Variants in RABGAP1L observed in about 807,000 individuals in gnomAD.
The protein encoded by RABGAP1L is rab GTPase-activating protein 1-like.
In RABGAP1L, 63 loss-of-function variants were observed where a neutral mutation model predicts 137.7. The observed-to-expected ratio is 0.46, with a 90% CI of 0.37 to 0.56. The LOEUF (loss-of-function observed/expected upper bound fraction) is 0.56, where lower values mean the gene tolerates loss of function less well. Among genes scored for constraint, RABGAP1L ranks in the 20% least tolerant of loss-of-function variants. RABGAP1L has a pLI of 0.00. For missense variants in RABGAP1L, 1,095 were observed against 1,244.0 expected, an observed-to-expected ratio of 0.88 and a Z score of 1.80; for synonymous variants, 431 against 433.7, an observed-to-expected ratio of 0.99 and a Z score of 0.08.
At chr1:174,455,724 A>C (rs1441609405) in intron 13 of RABGAP1L, among the ~76,000 whole-genome samples, 1 of 152,144 alleles carries the variant, frequency 6.6e-6, no homozygotes, top group Non-Finnish European at 1.5e-5. Context: ...AAAATGCTAA[A>C]TTGGTAAGAA....
At chr1:174,266,426 C>G (rs1376664288) in intron 7 of RABGAP1L, among the ~76,000 whole-genome samples, 1 of 152,124 alleles carries the variant, frequency 6.6e-6, no homozygotes, top group African/African-American at 2.4e-5. Flanking sequence ...AAAATCTTGG[C>G]TAGAGTTCTT....
chr1:174,704,942 A>G (rs967878243), intron 17 of RABGAP1L, among the ~76,000 whole-genome samples: 3 of 152,218 alleles, frequency 2.0e-5, no homozygotes, highest in East Asian at 1.9e-4. Flanking sequence ...ATAAATATTC[A>G]TAGACTTTTA....
chr1:174,892,475 C>A, intron 19 of RABGAP1L: 1 of 462,084 alleles, frequency 2.2e-6, no homozygotes, highest in South Asian at 1.6e-5. Flanking sequence ...TTTTCACCTT[C>A]CAGCTTCTTT....
intron 11 of RABGAP1L, among the ~76,000 whole-genome samples, chr1:174,343,384 A>G (rs2148897891): frequency 6.6e-6 from 1 of 152,286 alleles, no homozygotes; most frequent in East Asian, 1.9e-4. Context: ...AAGATTGCAA[A>G]TATATGCCCT....
Position 174,741,502 on chromosome 1 carries a change from A to G in RABGAP1L, c.2170-10811A>G, listed in dbSNP as rs7545233. Among the ~76,000 whole-genome samples, 1,355 of 152,156 alleles carry G rather than the reference A, an allele frequency of 8.9e-3. 21 individuals carry two copies. The highest frequency in any genetic ancestry group is 0.031 in the African/African-American group (1,300 of 41,488). ...CTCACCCTCCCAAGTAGCTCAGACT[A>G]CAGGCATTTGCTGCCACACCTGACT... On this transcript the variant is annotated intron_variant, in intron 17 of 25. Transcript: ENST00000681986.
intron 13 of RABGAP1L, among the ~76,000 whole-genome samples, chr1:174,437,839 A>G (rs1653597926): frequency 6.6e-6 from 1 of 152,230 alleles, no homozygotes; most frequent in South Asian, 2.1e-4. Context: ...GTTACCCACA[A>G]AGGGAAGCCC....
chr1:174,846,136 G>C (rs1446509299), intron 19 of RABGAP1L, among the ~76,000 whole-genome samples: 4 of 151,168 alleles, frequency 2.6e-5, no homozygotes, highest in African/African-American at 7.3e-5. Context: ...TATTAGTCTT[G>C]CTAGCGGTCT....
intron 1 of RABGAP1L, among the ~76,000 whole-genome samples, chr1:174,167,179 T>G (rs1028615517): frequency 6.6e-6 from 1 of 152,120 alleles, no homozygotes; most frequent in Non-Finnish European, 1.5e-5. Context: ...ATAAAGCTAA[T>G]CATGTCAGCA....
intron 11 of RABGAP1L, among the ~76,000 whole-genome samples, chr1:174,348,999 C>T (rs1389284319): frequency 1.7e-3 from 253 of 150,978 alleles, no homozygotes; most frequent in Admixed American, 8.7e-3. Flanking sequence ...GGGTGGTGGC[C>T]GGGCAGAGGC....
At chr1:174,864,183 T>G (rs1043355592) in intron 19 of RABGAP1L, among the ~76,000 whole-genome samples, 1 of 152,220 alleles carries the variant, frequency 6.6e-6, no homozygotes, top group African/African-American at 2.4e-5. Flanking sequence ...TCATCTGAGC[T>G]AAGGGTTTTC....
intron 19 of RABGAP1L, among the ~76,000 whole-genome samples, chr1:174,896,101 C>G (rs923583709): frequency 5.3e-5 from 8 of 152,186 alleles, no homozygotes; most frequent in African/African-American, 7.2e-5. Context: ...CTCTCTAGCA[C>G]CTGTTGTTTC....
At chr1:174,483,388 G>T (rs977480508) in intron 13 of RABGAP1L, among the ~76,000 whole-genome samples, 12 of 152,100 alleles carry the variant, frequency 7.9e-5, no homozygotes, top group Admixed American at 3.3e-4. Context: ...AACATGCGAT[G>T]TCTGTCTTTC....
chr1:174,215,551 CA>C (rs1182808711), intron 1 of RABGAP1L, among the ~76,000 whole-genome samples: 1 of 151,490 alleles, frequency 6.6e-6, no homozygotes, highest in East Asian at 1.9e-4. Context: ...ATACAAATGG[CA>C]AAAAGGCATA....
At position 174,651,344 on chromosome 1, in the gene RABGAP1L, A is replaced by C. The variant is rs1054078157; in HGVS notation, c.1824+13856A>C. 2.0e-5 allele frequency among the ~76,000 whole-genome samples: 3 copies of C among 152,296 alleles called. 1 individual carries two copies. The highest frequency in any genetic ancestry group is 7.2e-5 in the African/African-American group (3 of 41,558). On this transcript the variant is annotated intron_variant, in intron 14 of 25. Coordinates refer to ENST00000681986, the MANE Select transcript of RABGAP1L (RefSeq NM_001366446.1). ...GGGGTGAAGAGTTCTGTTGATGTCT[A>C]TTAGGTCTGCTTGGTGCAGAGCTCA...
intron 11 of RABGAP1L, among the ~76,000 whole-genome samples, chr1:174,315,259 T>C (rs1679259895): frequency 6.6e-6 from 1 of 152,122 alleles, no homozygotes; most frequent in African/African-American, 2.4e-5. Flanking sequence ...TCTCTCAGAG[T>C]TTTCTGTCTT....
intron 19 of RABGAP1L, among the ~76,000 whole-genome samples, chr1:174,852,236 T>C (rs1648487575): frequency 6.6e-6 from 1 of 152,140 alleles, no homozygotes; most frequent in Non-Finnish European, 1.5e-5. Context: ...TTCAAGAGTG[T>C]GGGGAATTGC....
chr1:174,370,713 A>C (rs1286349137), intron 11 of RABGAP1L, among the ~76,000 whole-genome samples: 1 of 140,196 alleles, frequency 7.1e-6, no homozygotes, highest in Non-Finnish European at 1.5e-5. Flanking sequence ...TTTAAACATT[A>C]GTCTTTGGAT....
intron 11 of RABGAP1L, among the ~76,000 whole-genome samples, chr1:174,323,370 A>AT (rs921771222): frequency 4.6e-5 from 7 of 152,176 alleles, no homozygotes; most frequent in African/African-American, 1.7e-4. Context: ...AAAGCCCATG[A>AT]TTTTTCATGA....
intron 18 of RABGAP1L, among the ~76,000 whole-genome samples, chr1:174,808,416 C>T (rs1301233950): frequency 3.9e-5 from 6 of 152,034 alleles, no homozygotes; most frequent in South Asian, 2.1e-4. Flanking sequence ...ATTGCACCAT[C>T]GTACTCCAGC....
Sources: allele counts gnomAD v4.1 joint callset (sites outside exome capture counted in the v4.1 genomes callset), GRCh38; gene constraint gnomAD v4.1.1; transcripts MANE v1.5; gene names NCBI Gene and HGNC (gene_info 2026-07-23, HGNC 2026-07-21).